GNPTG: variants seen among roughly 807,000 people sequenced by gnomAD.
GNPTG encodes N-acetylglucosamine-1-phosphotransferase subunit gamma.
Under a neutral mutation model 43.8 loss-of-function variants are expected in GNPTG, and 46 were observed. The ratio of observed to expected loss-of-function variants is 1.05; its 90% CI spans 0.83 to 1.34. The LOEUF is 1.34. GNPTG is among the 40% of genes most tolerant of loss of function. GNPTG has a pLI of 0.00. For synonymous variants in GNPTG, 250 were observed against 172.8 expected, an observed-to-expected ratio of 1.45 and a Z score of -3.50; for missense variants, 549 against 411.3, an observed-to-expected ratio of 1.33 and a Z score of -2.90.
chr16:1,362,577 AGCTGGGT>A (rs750278694), intron 8 of GNPTG, 27 bp from the exon 9 acceptor site: 23 of 1,614,032 alleles, frequency 1.4e-5, no homozygotes, highest in Middle Eastern at 3.3e-4. Context: ...CCTGGCTGGG[AGCTGGGT>A]GCTGCCCCTG....
At chr16:1,360,235 T>C (rs2034846414) in intron 3 of GNPTG, among the ~76,000 whole-genome samples, 1 of 152,244 alleles carries the variant, frequency 6.6e-6, no homozygotes, top group Non-Finnish European at 1.5e-5. Context: ...CTTTGTCTCT[T>C]AAAATAGTTT....
chr16:1,360,277 A>G (rs1415596284), intron 3 of GNPTG, among the ~76,000 whole-genome samples: 1 of 152,186 alleles, frequency 6.6e-6, no homozygotes, highest in Non-Finnish European at 1.5e-5. Flanking sequence ...GCCTGTTTAT[A>G]TGAATACTTT....
intron 3 of GNPTG, among the ~76,000 whole-genome samples, chr16:1,360,042 A>T (rs1363773019): frequency 6.6e-6 from 1 of 152,020 alleles, no homozygotes; most frequent in Admixed American, 6.6e-5. Context: ...CCAGTGGTGG[A>T]GATTGTAGTG....
In GNPTG at chr16:1,351,950, C is replaced by T; in HGVS notation, c.-16C>T. ...ACCGTCACTTCACGTGACCGCGCGG[C>T]GGCCGCTGCGGCGCGATGGCGGCGG... On this transcript the variant is annotated 5_prime_UTR_variant, in exon 1 of 11. Transcript: ENST00000204679. 1 of 1,281,026 alleles carries T rather than the reference C, an allele frequency of 7.8e-7. No individual in the cohort carries two copies. Among genetic ancestry groups the T allele is most frequent in the South Asian group, 2.7e-5 (1 of 37,242 alleles). 79.4% of individuals were successfully genotyped at this position (1,281,026 alleles called of 1,614,324 possible).
At chr16:1,352,039 G>A in intron 1 of GNPTG, 22 bp downstream of exon 1, 1 of 1,496,822 alleles carries the variant, frequency 6.7e-7, no homozygotes, top group East Asian at 2.8e-5. Context: ...GGCCGTCCGC[G>A]TCCCCAGGCC....
intron 3 of GNPTG, among the ~76,000 whole-genome samples, chr16:1,354,033 C>T (rs1192169140): frequency 2.0e-5 from 3 of 152,150 alleles, no homozygotes; most frequent in Admixed American, 1.3e-4. Flanking sequence ...CCAAACACAT[C>T]TTTTTAAGTT....
At chr16:1,355,015 G>A (rs922591392) in intron 3 of GNPTG, among the ~76,000 whole-genome samples, 2 of 152,188 alleles carry the variant, frequency 1.3e-5, no homozygotes, top group African/African-American at 4.8e-5. Flanking sequence ...GGGGTGGGGC[G>A]TGGATCGTCT....
chr16:1,355,707 TGGGA>T (rs1179345382), intron 3 of GNPTG, among the ~76,000 whole-genome samples: 1 of 96,412 alleles, frequency 1.0e-5, no homozygotes, highest in Admixed American at 1.3e-4. Context: ...TCGGTGGCGG[TGGGA>T]GGGAGCGGCC....
At chr16:1,354,367 G>A (rs2034735142) in intron 3 of GNPTG, among the ~76,000 whole-genome samples, 1 of 151,966 alleles carries the variant, frequency 6.6e-6, no homozygotes, top group African/African-American at 2.4e-5. Context: ...CTTGAGGTCA[G>A]GAGTTCGAGA....
At position 1,362,851 on chromosome 16, in the gene GNPTG, C is replaced by G. The variant is rs763568351; in HGVS notation, c.768C>G (p.Ile256Met). The G allele has an allele frequency of 4.3e-6, 7 of 1,613,794 alleles. No individual in the cohort carries two copies. The East Asian group carries it at 1.1e-4, about 26-fold the overall frequency. The part of the protein sequence containing the change: ...RKAHKELSKE[I>M]KRLKGLLTQH... ...CTCATAAAGAACTCTCAAAGGAGAT[C>G]AAAAGGCTGAAAGGTTTGCTCACCC... Residue 256 changes from isoleucine to methionine, a missense_variant, in exon 10 of 11, where the codon ATC becomes ATG. Ile to Met is a conservative substitution (Grantham distance 10, BLOSUM62 1). Coordinates refer to ENST00000204679, the MANE Select transcript of GNPTG (RefSeq NM_032520.5).
Position 1,362,548 on chromosome 16 carries a change from C to T in GNPTG, c.609+14C>T, listed in dbSNP as rs117489832. On this transcript the variant is annotated intron_variant, in intron 8 of 10. Coordinates refer to ENST00000204679, the MANE Select transcript of GNPTG (RefSeq NM_032520.5). ...ATCACCCCCCAGGTAAGCGTGCGCTCGGGGTGGCCCCTGGTGGGCCTGGCT... is the reference window on the plus strand; with the variant it reads ...ATCACCCCCCAGGTAAGCGTGCGCTTGGGGTGGCCCCTGGTGGGCCTGGCT... 5.7e-5 allele frequency: 92 copies of T among 1,614,110 alleles called. No individual in the cohort carries two copies. The East Asian group carries it at 7.4e-4, about 13-fold the overall frequency.
intron 3 of GNPTG, among the ~76,000 whole-genome samples, chr16:1,360,199 T>A (rs1028525635): frequency 4.6e-5 from 7 of 152,238 alleles, no homozygotes; most frequent in African/African-American, 1.7e-4. Flanking sequence ...TCTTGGCACA[T>A]TGACCCTTTT....
intron 3 of GNPTG, 185 bp downstream of exon 3, chr16:1,352,491 C>G (rs1288479214): frequency 4.4e-6 from 3 of 683,704 alleles, no homozygotes; most frequent in Admixed American, 4.4e-5. Context: ...TAAATTATCT[C>G]CAGACTTAGT....
Position 1,362,848 on chromosome 16 carries a change from G to C in GNPTG, c.765G>C (p.Glu255Asp), listed in dbSNP as rs762958864. 2 of 1,613,800 alleles carry C rather than the reference G, an allele frequency of 1.2e-6. No individual in the cohort carries two copies. The highest frequency in any genetic ancestry group is 1.3e-5 in the African/African-American group (1 of 74,874). ...AGGCTCATAAAGAACTCTCAAAGGA[G>C]ATCAAAAGGCTGAAAGGTTTGCTCA... ...CRKAHKELSK[E>D]IKRLKGLLTQ... Residue 255 changes from glutamate (E) to aspartate (D), a missense_variant, in exon 10 of 11, where the codon GAG (glutamate) becomes GAC (aspartate). Physicochemically the swap from Glu to Asp is conservative, Grantham distance 45. Coordinates refer to ENST00000204679, the MANE Select transcript of GNPTG (RefSeq NM_032520.5).
intron 3 of GNPTG, among the ~76,000 whole-genome samples, chr16:1,359,584 T>C (rs1054428589): frequency 1.3e-5 from 2 of 152,194 alleles, no homozygotes; most frequent in South Asian, 4.1e-4. Flanking sequence ...CCAGTCTTTA[T>C]GCCAGTATCA....
chr16:1,361,818 A>C, intron 4 of GNPTG, 21 bp downstream of exon 4: 1 of 1,135,252 alleles, frequency 8.8e-7, no homozygotes, highest in Non-Finnish European at 1.3e-6. Context: ...GGTGGGTGCG[A>C]GGGTGGGCTG....
intron 3 of GNPTG, among the ~76,000 whole-genome samples, chr16:1,356,896 G>A (rs1175250421): frequency 1.5e-4 from 1 of 6,554 alleles, no homozygotes; most frequent in Non-Finnish European, 3.9e-4. Context: ...TCTGCGGGCG[G>A]GAGTGTGCGG....
At position 1,362,461 on chromosome 16, in the gene GNPTG, C is replaced by A; in HGVS notation, c.536C>A (p.Thr179Asn). The A allele has an allele frequency of 6.2e-7, 1 of 1,613,962 alleles. No homozygotes were observed. The change falls in exon 8 of 11, where the codon ACC (threonine) becomes AAC (asparagine). Residue 179 changes from threonine to asparagine, a missense_variant. By Grantham distance (65) the Thr-to-Asn change is moderately conservative. Transcript: ENST00000204679. ...CHPHALLVYP[T>N]LPEALQRQWD... ...TCTCTTGGGTCCTCAGTGTACCCAA[C>A]CCTGCCAGAGGCCCTGCAGCGGCAG...
At position 1,362,217 on chromosome 16, in the gene GNPTG, G is replaced by A. The variant is rs530486639; in HGVS notation, c.423G>A (p.Ala141=). The A allele has an allele frequency of 3.4e-5, 55 of 1,613,572 alleles. No homozygotes were observed. The highest frequency in any genetic ancestry group is 1.6e-4 in the Middle Eastern group (1 of 6,062). The change falls in exon 7 of 11, where the codon GCG becomes GCA. Residue 141 remains alanine, a synonymous_variant. Transcript: ENST00000204679. ...SRSRQSKVEL[A]CGKSNRLAHV... is the part of the protein sequence containing the mutation. ...CGTTCCCTCCCCAGGTGGAGCTGGC[G>A]TGTGGAAAAAGCAACCGGCTGGCCC...
Sources: gnomAD v4.1 joint callset for allele counts (sites outside exome capture counted in the v4.1 genomes callset) on GRCh38, gnomAD v4.1.1 for gene constraint, MANE v1.5 for transcripts, NCBI Gene and HGNC (gene_info 2026-07-23, HGNC 2026-07-21) for gene names.